Variants in PDE7B observed in about 807,000 individuals in gnomAD.
PDE7B encodes 3',5'-cyclic-AMP phosphodiesterase 7B.
In PDE7B, 29 loss-of-function variants were observed where a neutral mutation model predicts 56.2. The observed-to-expected ratio is 0.52, with a 90% CI of 0.38 to 0.70. The LOEUF (loss-of-function observed/expected upper bound fraction) is 0.70, where lower values mean the gene tolerates loss of function less well. PDE7B is among the 30% of genes least tolerant of loss of function. PDE7B has a pLI of 0.00. For missense variants in PDE7B, 490 were observed against 565.0 expected (o/e 0.87, Z 1.35); for synonymous variants, 197 against 196.9 (o/e 1.00, Z 0.00).
intron 2 of PDE7B, among the ~76,000 whole-genome samples, chr6:136,026,281 T>C (rs1776148894): frequency 6.6e-6 from 1 of 152,234 alleles, no homozygotes; most frequent in East Asian, 1.9e-4. Context: ...ACGTGCAACA[T>C]GTTCTTCCTC....
At chr6:135,975,240 T>C (rs1229100342) in intron 2 of PDE7B, among the ~76,000 whole-genome samples, 1 of 152,118 alleles carries the variant, frequency 6.6e-6, no homozygotes, top group Non-Finnish European at 1.5e-5. Context: ...TACAGATTTC[T>C]TTCTTTTAAA....
chr6:136,064,304 G>A (rs1776894915), intron 2 of PDE7B: 2 of 152,100 alleles, frequency 1.3e-5, no homozygotes, highest in African/African-American at 4.8e-5. Context: ...CTGTGCACAA[G>A]GAGCCAAAAA....
At chr6:136,089,288 A>G (rs756944844) in intron 2 of PDE7B, among the ~76,000 whole-genome samples, 8 of 152,222 alleles carry the variant, frequency 5.3e-5, no homozygotes, top group Non-Finnish European at 1.2e-4. Context: ...AATAACAAAA[A>G]AGATTGGCAC....
In PDE7B at chr6:135,917,359, T is replaced by A. The variant is rs571551341; in HGVS notation, c.22-30105T>A. ...TTCCACGTCACTTATTTTTTTCTTC[T>A]GCAGCGTCACGTCTGCTGTTAAGCC... On this transcript the variant is annotated intron_variant, in intron 1 of 12. Coordinates refer to ENST00000308191, the MANE Select transcript of PDE7B (RefSeq NM_018945.4). Among the ~76,000 whole-genome samples, 5 of 152,304 alleles carry A rather than the reference T, an allele frequency of 3.3e-5. 1 individual carries two copies. The South Asian group carries it at 1.0e-3, about 32-fold the overall frequency.
intron 2 of PDE7B, among the ~76,000 whole-genome samples, chr6:135,977,549 G>A (rs1405154479): frequency 6.6e-6 from 1 of 152,126 alleles, no homozygotes; most frequent in Non-Finnish European, 1.5e-5. Context: ...TACAAGTGGA[G>A]TAGCTTCCAT....
intron 1 of PDE7B, among the ~76,000 whole-genome samples, chr6:135,887,547 T>C (rs986281219): frequency 2.0e-5 from 3 of 152,186 alleles, no homozygotes; most frequent in Admixed American, 2.0e-4. Context: ...AGATACTAAA[T>C]ATACACTTAA....
chr6:136,134,459 C>T (rs1778174323), intron 3 of PDE7B, among the ~76,000 whole-genome samples: 1 of 152,062 alleles, frequency 6.6e-6, no homozygotes, highest in South Asian at 2.1e-4. Flanking sequence ...ACATTTCAAA[C>T]TCTGAGAAGC....
intron 2 of PDE7B, among the ~76,000 whole-genome samples, chr6:136,031,879 A>T (rs1416722366): frequency 6.6e-6 from 1 of 152,048 alleles, no homozygotes; most frequent in African/African-American, 2.4e-5. Context: ...AAGAACCCTC[A>T]CTCAGGCATT....
chr6:135,925,686 G>A (rs986535431), intron 1 of PDE7B, among the ~76,000 whole-genome samples: 1 of 152,132 alleles, frequency 6.6e-6, no homozygotes, highest in African/African-American at 2.4e-5. Flanking sequence ...CAAAAGCCCT[G>A]GTTGAATAAC....
intron 11 of PDE7B, among the ~76,000 whole-genome samples, chr6:136,184,522 C>T (rs1195288477): frequency 2.0e-5 from 3 of 152,246 alleles, no homozygotes; most frequent in East Asian, 1.9e-4. Context: ...CAGTGGGCAA[C>T]GTAGAGAACA....
intron 1 of PDE7B, among the ~76,000 whole-genome samples, chr6:135,931,709 C>T (rs113861496): frequency 1.3e-3 from 204 of 152,142 alleles, no homozygotes; most frequent in African/African-American, 4.3e-3. Context: ...AACATAATTC[C>T]ACAATGATAG....
At chr6:136,189,568 C>A (rs1178175469) in intron 12 of PDE7B, among the ~76,000 whole-genome samples, 1 of 152,162 alleles carries the variant, frequency 6.6e-6, no homozygotes, top group Non-Finnish European at 1.5e-5. Context: ...GAGACCCCAT[C>A]TGTTAAAAAA....
At chr6:136,061,060 C>G (rs1776830032) in intron 2 of PDE7B, among the ~76,000 whole-genome samples, 1 of 151,990 alleles carries the variant, frequency 6.6e-6, no homozygotes, top group Non-Finnish European at 1.5e-5. Context: ...ATGAAGTTGG[C>G]TGGCACCCTC....
intron 1 of PDE7B, among the ~76,000 whole-genome samples, chr6:135,893,079 T>A (rs9389341): frequency 1.8e-4 from 27 of 152,312 alleles, no homozygotes; most frequent in Middle Eastern, 3.4e-3. Context: ...CTCTTTTTTT[T>A]AATTATACTT....
chr6:135,977,570 A>C (rs1775208321), intron 2 of PDE7B, among the ~76,000 whole-genome samples: 1 of 152,126 alleles, frequency 6.6e-6, no homozygotes, highest in Non-Finnish European at 1.5e-5. Flanking sequence ...ACCCTTGTCA[A>C]AGGAGGAGAT....
intron 1 of PDE7B, among the ~76,000 whole-genome samples, chr6:135,903,381 T>C (rs1005126137): frequency 2.0e-5 from 3 of 152,330 alleles, no homozygotes; most frequent in Non-Finnish European, 4.4e-5. Flanking sequence ...TCTGTGTGTT[T>C]CTACCACCTA....
At chr6:135,939,778 C>A (rs909492510) in intron 1 of PDE7B, among the ~76,000 whole-genome samples, 1 of 152,098 alleles carries the variant, frequency 6.6e-6, no homozygotes, top group African/African-American at 2.4e-5. Flanking sequence ...TGGGGGGATT[C>A]TTTTGGTCAT....
At chr6:136,172,570 C>T (rs1583923630) in intron 8 of PDE7B, among the ~76,000 whole-genome samples, 1 of 151,938 alleles carries the variant, frequency 6.6e-6, no homozygotes, top group Non-Finnish European at 1.5e-5. Context: ...AAAATTTTCT[C>T]CCATTTTGTA....
At chr6:136,126,362 C>T (rs927053879) in intron 3 of PDE7B, among the ~76,000 whole-genome samples, 1 of 152,148 alleles carries the variant, frequency 6.6e-6, no homozygotes, top group African/African-American at 2.4e-5. Context: ...TAAAACTGTA[C>T]AAGAGAACAA....
Sources: gnomAD v4.1 joint callset for allele counts (sites outside exome capture counted in the v4.1 genomes callset) on GRCh38, gnomAD v4.1.1 for gene constraint, MANE v1.5 for transcripts, NCBI Gene and HGNC (gene_info 2026-07-23, HGNC 2026-07-21) for gene names.